The following CAST variants were observed in gnomAD, a reference collection of about 807,000 sequenced individuals.
CAST encodes the protein MIR583 host.
CAST carries 76 observed loss-of-function variants against 119.6 expected under a neutral mutation model. The observed-to-expected ratio is 0.64, with a 90% CI of 0.53 to 0.77. The LOEUF is 0.77. Ranked by LOEUF, CAST falls within the 30% of genes least tolerant of loss-of-function variation. The pLI, the probability that CAST is intolerant of heterozygous loss-of-function variation, is 0.00. For synonymous variants in CAST, 319 were observed against 331.6 expected (o/e 0.96, Z 0.41); for missense variants, 953 against 946.5 (o/e 1.01, Z -0.09).
Position 96,717,468 on chromosome 5 carries a change from C to T in CAST, c.211-5171C>T, listed in dbSNP as rs1757384172. Among the ~76,000 whole-genome samples the T allele has an allele frequency of 2.6e-5, 4 of 152,180 alleles. No homozygotes were observed. The South Asian group carries it at 8.3e-4, about 32-fold the overall frequency. On this transcript the variant is annotated intron_variant, in intron 3 of 31. Coordinates refer to ENST00000675179, the MANE Select transcript of CAST (RefSeq NM_001750.7). ...AACAATAACTGCCATTTGCCCAGCA[C>T]TTATCACTTGCCAAGCAGTTATTGG...
At chr5:96,357,893 C>T in the CAST span, among the ~76,000 whole-genome samples, 4 of 152,044 alleles carry the variant, frequency 2.6e-5, no homozygotes, top group African/African-American at 4.8e-5. Flanking sequence ...TGGAATAGTT[C>T]CAGAAGGAAT....
At chr5:96,584,075 C>T (rs999520020) in intron 1 of CAST, among the ~76,000 whole-genome samples, 1 of 152,156 alleles carries the variant, frequency 6.6e-6, no homozygotes, top group Admixed American at 6.5e-5. Flanking sequence ...AGTCGCCAAC[C>T]TTTTTGGGAC....
chr5:96,089,786 G>A, the CAST span, among the ~76,000 whole-genome samples: 13 of 152,316 alleles, frequency 8.5e-5, no homozygotes, highest in South Asian at 2.7e-3. Flanking sequence ...TTTTTATAAA[G>A]CTTAAAATGT....
chr5:96,632,188 G>C (rs1230835323), intron 1 of CAST, among the ~76,000 whole-genome samples: 1 of 151,370 alleles, frequency 6.6e-6, no homozygotes, highest in Non-Finnish European at 1.5e-5. Flanking sequence ...ATTTTAATTG[G>C]GTTGTCTTTC....
the CAST span, among the ~76,000 whole-genome samples, chr5:96,076,155 T>C: frequency 6.6e-6 from 1 of 152,134 alleles, no homozygotes; most frequent in African/African-American, 2.4e-5. Flanking sequence ...TTTTTCAGGG[T>C]TGGAAACCAC....
chr5:96,273,106 GAGA>G, the CAST span, among the ~76,000 whole-genome samples: 50 of 152,342 alleles, frequency 3.3e-4, no homozygotes, highest in African/African-American at 1.2e-3. Context: ...AACAACCCTA[GAGA>G]AGAACTTGTC....
At chr5:96,662,522 G>A in intron 1 of CAST, 25 bp downstream of exon 1, 2 of 1,350,698 alleles carry the variant, frequency 1.5e-6, no homozygotes, top group Non-Finnish European at 1.9e-6. Context: ...TGTCGGCGTC[G>A]CGGGGCTGGG....
At chr5:95,988,823 G>A in the CAST span, among the ~76,000 whole-genome samples, 1 of 152,160 alleles carries the variant, frequency 6.6e-6, no homozygotes. Context: ...AATGCTCAGT[G>A]AATTTTTAAA....
chr5:96,768,628 AT>A (rs1770943426), intron 29 of CAST, among the ~76,000 whole-genome samples: 1 of 152,096 alleles, frequency 6.6e-6, no homozygotes, highest in Non-Finnish European at 1.5e-5. Flanking sequence ...TCCACACTAT[AT>A]GGTTGTGCCA....
chr5:96,561,682 G>A (rs993515985), intron 1 of CAST, among the ~76,000 whole-genome samples: 3 of 150,910 alleles, frequency 2.0e-5, no homozygotes, highest in Admixed American at 2.0e-4. Flanking sequence ...TGCATGTTCT[G>A]CACATGTAAC....
chr5:96,642,651 C>A (rs1684718430), intron 1 of CAST, among the ~76,000 whole-genome samples: 1 of 151,630 alleles, frequency 6.6e-6, no homozygotes, highest in East Asian at 1.9e-4. Flanking sequence ...AAGCAATTCT[C>A]GTGCTTCAGC....
chr5:96,459,255 A>G, the CAST span, among the ~76,000 whole-genome samples: 1 of 152,162 alleles, frequency 6.6e-6, no homozygotes, highest in Admixed American at 6.5e-5. Context: ...CGTCTTGGCA[A>G]TACGAACATG....
At chr5:96,350,431 G>A in the CAST span, among the ~76,000 whole-genome samples, 1 of 152,100 alleles carries the variant, frequency 6.6e-6, no homozygotes, top group Non-Finnish European at 1.5e-5. Flanking sequence ...GGAGGACAAA[G>A]TTCTGTCCTT....
At chr5:96,227,139 G>A in the CAST span, among the ~76,000 whole-genome samples, 1 of 152,108 alleles carries the variant, frequency 6.6e-6, no homozygotes, top group Non-Finnish European at 1.5e-5. Context: ...GAGGGGGAGG[G>A]TGCTTTTAAT....
the CAST span, among the ~76,000 whole-genome samples, chr5:96,159,683 C>T: frequency 6.6e-6 from 1 of 152,180 alleles, no homozygotes. Flanking sequence ...TCAGCATAAC[C>T]TTTCTTTAGT....
At chr5:96,577,455 T>G (rs1175498731) in intron 1 of CAST, among the ~76,000 whole-genome samples, 1 of 152,086 alleles carries the variant, frequency 6.6e-6, no homozygotes, top group African/African-American at 2.4e-5. Context: ...TTTTCTAGTT[T>G]CTTGAGGTAG....
the CAST span, among the ~76,000 whole-genome samples, chr5:96,326,979 A>G: frequency 1.3e-5 from 2 of 152,236 alleles, no homozygotes; most frequent in Non-Finnish European, 2.9e-5. Context: ...GGGATGGAGC[A>G]GAAGCAATCA....
At chr5:96,119,444 G>A in the CAST span, among the ~76,000 whole-genome samples, 2 of 152,158 alleles carry the variant, frequency 1.3e-5, no homozygotes, top group African/African-American at 2.4e-5. Context: ...ATCTCTAGAT[G>A]TGCATTCCTA....
intron 3 of CAST, among the ~76,000 whole-genome samples, chr5:96,704,295 T>C (rs1297509594): frequency 5.3e-5 from 8 of 152,246 alleles, no homozygotes; most frequent in Non-Finnish European, 1.0e-4. Context: ...GTTGATTATA[T>C]AGAATTAGTG....
Sources: allele counts gnomAD v4.1 joint callset (sites outside exome capture counted in the v4.1 genomes callset), GRCh38; gene constraint gnomAD v4.1.1; transcripts MANE v1.5; gene names NCBI Gene and HGNC (gene_info 2026-07-23, HGNC 2026-07-21).